TASOR2: variants seen among roughly 807,000 people sequenced by gnomAD.
TASOR2 encodes protein TASOR 2.
TASOR2 carries 84 observed loss-of-function variants against 199.5 expected under a neutral mutation model. The observed-to-expected ratio is 0.42, with a 90% CI of 0.35 to 0.50. The LOEUF (loss-of-function observed/expected upper bound fraction) is 0.50. Ranked by LOEUF, TASOR2 falls within the 20% of genes least tolerant of loss-of-function variation. The pLI is 0.02. For synonymous variants in TASOR2, 1,103 were observed against 1,046.6 expected (o/e 1.05, Z -1.04); for missense variants, 2,796 against 2,835.9 (o/e 0.99, Z 0.32).
In TASOR2 at chr10:5,730,242, A is replaced by C. The variant is rs1834624137; in HGVS notation, c.488-245A>C. 6.6e-6 allele frequency among the ~76,000 whole-genome samples: 1 copy of C among 152,162 alleles called. No homozygotes were observed. The highest frequency in any genetic ancestry group is 1.5e-5 in the Non-Finnish European group (1 of 68,034). On this transcript the variant is annotated intron_variant, in intron 10 of 20. Transcript: ENST00000328090. The surrounding 1 kb of genome is among the most constrained non-coding windows in gnomAD (Gnocchi z 4.1). ...GGGTTTAGTTTACTTGTTCTAACCT[A>C]GTGATTGCATGTCAGATGATTCTTT...
At chr10:5,733,960 A>G (rs75383056) in intron 11 of TASOR2, among the ~76,000 whole-genome samples, 2,078 of 152,286 alleles carry the variant, frequency 0.014, 46 homozygotes, top group African/African-American at 0.048. Flanking sequence ...AAACATTTTT[A>G]AAACTATTCA....
rs1181843971 is a variant in TASOR2 at position 5,699,112 on chromosome 10, A to G, written c.-287-13711A>G. Reference sequence around the variant, plus strand: ...ATCAGTTGATGGATAAACAAAATGTAGTATATCCACAAAGTGGAATATTAT... The same window carrying G: ...ATCAGTTGATGGATAAACAAAATGTGGTATATCCACAAAGTGGAATATTAT... On this transcript the variant is annotated intron_variant, in intron 1 of 20. Coordinates refer to ENST00000328090, the Ensembl canonical transcript of TASOR2. This position sits in a 1 kb window ranked among gnomAD's most constrained non-coding sequence, Gnocchi z 4.1. Among the ~76,000 whole-genome samples, 1 of 152,246 alleles carries G rather than the reference A, an allele frequency of 6.6e-6. No individual in the cohort carries two copies. Among genetic ancestry groups the G allele is most frequent in the Non-Finnish European group, 1.5e-5 (1 of 68,034 alleles).
At chr10:5,744,595 C>T (rs1836906816) in intron 14 of TASOR2, among the ~76,000 whole-genome samples, 1 of 151,840 alleles carries the variant, frequency 6.6e-6, no homozygotes, top group Admixed American at 6.6e-5. Flanking sequence ...TGAGCCACTG[C>T]CCCCAGCCAG....
At chr10:5,707,732 A>ACG (rs1481642404) in intron 1 of TASOR2, among the ~76,000 whole-genome samples, 13 of 2,474 alleles carry the variant, frequency 5.3e-3, no homozygotes, top group African/African-American at 6.1e-3. Context: ...ATTTTCACAC[A>ACG]CACACACACA....
intron 11 of TASOR2, among the ~76,000 whole-genome samples, chr10:5,732,551 T>G (rs1044931890): frequency 2.6e-5 from 4 of 152,218 alleles, no homozygotes; most frequent in Non-Finnish European, 4.4e-5. Context: ...GGAGTTTTTT[T>G]TGTTTGGAGT....
intron 1 of TASOR2, among the ~76,000 whole-genome samples, chr10:5,694,462 T>C (rs1176486658): frequency 7.2e-5 from 11 of 152,290 alleles, no homozygotes; most frequent in African/African-American, 2.6e-4. Flanking sequence ...GAAACTAATC[T>C]AGTGGTTGGA....
chr10:5,741,687 A>T (rs1836450103), intron 13 of TASOR2, among the ~76,000 whole-genome samples: 1 of 152,210 alleles, frequency 6.6e-6, no homozygotes, highest in African/African-American at 2.4e-5. Context: ...GAGACACAAA[A>T]ATGGAAAATA....
chr10:5,694,905 G>C (rs574348802), intron 1 of TASOR2, among the ~76,000 whole-genome samples: 1 of 152,042 alleles, frequency 6.6e-6, no homozygotes, highest in African/African-American at 2.4e-5. Flanking sequence ...AACCATTTTT[G>C]CATCTTGGAA....
At position 5,730,882 on chromosome 10, in the gene TASOR2, T is replaced by A; in HGVS notation, c.883T>A (p.Cys295Ser). Residue 295 changes from cysteine to serine, a missense_variant, in exon 11 of 21, where the codon TGT becomes AGT. By Grantham distance (112) the Cys-to-Ser change is moderately radical (BLOSUM62 -1). Around this residue, in one of 3 missense-constraint regions of TASOR2, gnomAD observed 847 missense variants for 887.4 expected, o/e 0.95. Coordinates refer to ENST00000328090, the Ensembl canonical transcript of TASOR2. This position sits in a 1 kb window ranked among gnomAD's most constrained non-coding sequence, Gnocchi z 4.1. ...GTCTCCTTGTGTTTCAGACGGAATTTGTGATGCTGGATTTTCCTTAGTTAT... is the reference window on the plus strand; with the variant it reads ...GTCTCCTTGTGTTTCAGACGGAATTAGTGATGCTGGATTTTCCTTAGTTAT... The A allele has an allele frequency of 6.2e-7, 1 of 1,614,234 alleles. No individual in the cohort carries two copies. The highest frequency in any genetic ancestry group is 2.2e-5 in the East Asian group (1 of 44,888).
chr10:5,691,850 T>A (rs765354279), intron 1 of TASOR2, among the ~76,000 whole-genome samples: 2 of 152,142 alleles, frequency 1.3e-5, no homozygotes, highest in African/African-American at 4.8e-5. Context: ...CAGGCATTGG[T>A]ATCAATTTTC....
chr10:5,753,643 A>G (rs1838402521), intron 15 of TASOR2, among the ~76,000 whole-genome samples: 1 of 152,164 alleles, frequency 6.6e-6, no homozygotes, highest in Admixed American at 6.5e-5. Context: ...TACAGGCATG[A>G]GCCACTCCGC....
intron 1 of TASOR2, among the ~76,000 whole-genome samples, chr10:5,688,120 G>A (rs746813339): frequency 1.6e-4 from 24 of 152,102 alleles, no homozygotes; most frequent in African/African-American, 2.2e-4. Flanking sequence ...AAAATCCAGC[G>A]TCATTCAGCT....
exon 15 of TASOR2, chr10:5,747,380 C>T: frequency 1.2e-6 from 2 of 1,614,052 alleles, no homozygotes; most frequent in Non-Finnish European, 1.7e-6. Flanking sequence ...CAGGATGTAG[C>T]TGAGGAAATA....
At position 5,701,593 on chromosome 10, in the gene TASOR2, A is replaced by G. The variant is rs1378812075; in HGVS notation, c.-287-11230A>G. Among the ~76,000 whole-genome samples the G allele has an allele frequency of 6.6e-6, 1 of 152,202 alleles. No individual in the cohort carries two copies. The highest frequency in any genetic ancestry group is 1.5e-5 in the Non-Finnish European group (1 of 68,026). ...ATATGAATTCTTCCAGTCCCTGAGCATAGAGTATCTTTCTATTTTTTAATG... is the reference window on the plus strand; with the variant it reads ...ATATGAATTCTTCCAGTCCCTGAGCGTAGAGTATCTTTCTATTTTTTAATG... On this transcript the variant is annotated intron_variant, in intron 1 of 20. Coordinates refer to ENST00000328090, the Ensembl canonical transcript of TASOR2. The surrounding 1 kb of genome is among the most constrained non-coding windows in gnomAD (Gnocchi z 4.9).
At position 5,730,968 on chromosome 10, in the gene TASOR2, A is replaced by G. The variant is rs1316567235; in HGVS notation, c.969A>G (p.Lys323=). 1 of 1,614,156 alleles carries G rather than the reference A, an allele frequency of 6.2e-7. No homozygotes were observed. Among genetic ancestry groups the G allele is most frequent in the Non-Finnish European group, 8.5e-7 (1 of 1,180,046 alleles). The stretch of plus-strand genomic sequence containing the variant: ...AAGTGAGAAAAGAAACTGAAACAAA[A>G]AAGGATTCTGAAGAAATGTTGAAAG... The change falls in exon 11 of 21, where the codon AAA becomes AAG. Residue 323 remains lysine (K), a synonymous_variant. Transcript: ENST00000328090. The surrounding 1 kb of genome is among the most constrained non-coding windows in gnomAD (Gnocchi z 4.1).
exon 15 of TASOR2, chr10:5,749,197 G>A (rs757102706): frequency 3.1e-6 from 5 of 1,613,842 alleles, no homozygotes; most frequent in South Asian, 2.2e-5. Flanking sequence ...CAGGACTTAC[G>A]CCAACTTCTC....
At chr10:5,753,473 C>T (rs967505189) in intron 15 of TASOR2, among the ~76,000 whole-genome samples, 8 of 152,176 alleles carry the variant, frequency 5.3e-5, no homozygotes, top group African/African-American at 1.9e-4. Context: ...CACCATTCTC[C>T]TGCCTCTGCC....
chr10:5,708,614 CCCTCCCTCCCTCCCTT>C (rs1416551211), intron 1 of TASOR2, among the ~76,000 whole-genome samples: 1 of 13,056 alleles, frequency 7.7e-5, no homozygotes, highest in Non-Finnish European at 2.4e-4. Flanking sequence ...CTTCCTCCCT[CCCTCCCTCCCTCCCTT>C]CCTCCCTTCC....
At chr10:5,714,357 A>G (rs1832330768) in intron 2 of TASOR2, 150 bp downstream of exon 3, 1 of 427,384 alleles carries the variant, frequency 2.3e-6, no homozygotes, top group Non-Finnish European at 3.9e-6. Flanking sequence ...AACTTTAAAC[A>G]TATGAATGAG....
Sources: gnomAD v4.1 joint callset for allele counts (sites outside exome capture counted in the v4.1 genomes callset) on GRCh38, gnomAD v4.1.1 for gene constraint, gnomAD v4.1.1 regional missense constraint, Gnocchi (gnomAD v3.1) non-coding constraint, MANE v1.5 for transcripts, NCBI Gene and HGNC (gene_info 2026-07-23, HGNC 2026-07-21) for gene names.